The following DYNC1H1 variants were observed in gnomAD, a reference collection of about 807,000 sequenced individuals.
DYNC1H1 encodes cytoplasmic dynein 1 heavy chain 1.
A neutral mutation model predicts 527.1 loss-of-function variants in DYNC1H1; 51 were observed. The observed-to-expected ratio is 0.10, with a 90% CI of 0.08 to 0.12. The LOEUF (loss-of-function observed/expected upper bound fraction) is 0.12, where lower values mean the gene tolerates loss of function less well. Ranked by LOEUF, DYNC1H1 falls within the 10% of genes least tolerant of loss-of-function variation. The pLI is 1.00. For synonymous variants in DYNC1H1, 2,189 were observed against 2,278.8 expected (o/e 0.96, Z 1.12); for missense variants, 2,771 against 5,971.8 (o/e 0.46, Z 17.66).
intron 51 of DYNC1H1, among the ~76,000 whole-genome samples, chr14:102,031,285 G>A (rs949845801): frequency 6.6e-6 from 1 of 152,166 alleles, no homozygotes; most frequent in Non-Finnish European, 1.5e-5. Flanking sequence ...CCAGGCTGGA[G>A]TGTAGTGGTG....
In DYNC1H1 at chr14:101,983,013, A is replaced by G; in HGVS notation, c.962-6A>G. ...AAAACCATTAACTCTTTCTCTGTTAATATAGGTCTAAAACAGGCTTTGGAA... is the reference window on the plus strand; with the variant it reads ...AAAACCATTAACTCTTTCTCTGTTAGTATAGGTCTAAAACAGGCTTTGGAA... On this transcript the variant is annotated splice_region_variant and splice_polypyrimidine_tract_variant and intron_variant, in intron 5 of 77. Transcript: ENST00000360184. This position sits in a 1 kb window ranked among gnomAD's most constrained non-coding sequence, Gnocchi z 5.3. 2 of 1,614,132 alleles carry G rather than the reference A, an allele frequency of 1.2e-6. No homozygotes were observed.
chr14:102,021,904 G>A (rs561748872), intron 42 of DYNC1H1, among the ~76,000 whole-genome samples: 2 of 152,042 alleles, frequency 1.3e-5, no homozygotes, highest in Admixed American at 6.6e-5. Context: ...AAAGTGATCC[G>A]CCTGCCTCTG....
chr14:101,982,955 A>G, intron 5 of DYNC1H1, 64 bp from the exon 6 acceptor site: 1 of 1,582,442 alleles, frequency 6.3e-7, no homozygotes, highest in Non-Finnish European at 8.7e-7. Flanking sequence ...GTAATGGCAT[A>G]TTTTAGTTTA....
chr14:102,017,830 G>A lies in DYNC1H1; in HGVS notation c.8177+326G>A. ...AAATACAAAAACAAAATTAAGGCCG[G>A]GCGTGGTGGCTTACGCCTGTAATCC... On this transcript the variant is annotated intron_variant, in intron 40 of 77. Transcript: ENST00000360184. This position sits in a 1 kb window ranked among gnomAD's most constrained non-coding sequence, Gnocchi z 4.6. 2.7e-6 allele frequency: 1 copy of A among 376,478 alleles called. No individual in the cohort carries two copies. Among genetic ancestry groups the A allele is most frequent in the Non-Finnish European group, 5.1e-6 (1 of 197,414 alleles). 23.3% of individuals were successfully genotyped at this position (376,478 alleles called of 1,614,324 possible).
At chr14:102,043,087 G>A (rs2048672039) in intron 69 of DYNC1H1, 2 of 361,914 alleles carry the variant, frequency 5.5e-6, no homozygotes, top group African/African-American at 2.1e-5. Context: ...TTCAAGACCA[G>A]CATGGCCAAC....
Position 102,000,091 on chromosome 14 carries a change from G to A in DYNC1H1, c.3907G>A (p.Ala1303Thr), listed in dbSNP as rs762078700. The A allele has an allele frequency of 1.2e-6, 2 of 1,614,218 alleles. No individual in the cohort carries two copies. The highest frequency in any genetic ancestry group is 8.5e-7 in the Non-Finnish European group (1 of 1,180,046). ...DREKCAKAKE[A>T]LELTDTGLLS... ...AGAGAAGTGTGCAAAGGCCAAGGAG[G>A]CGCTGGAATTGACAGATACTGGGCT... Residue 1303 changes from alanine (A) to threonine (T), a missense_variant, in exon 17 of 78, where the codon GCG becomes ACG. Coordinates refer to ENST00000360184, the MANE Select transcript of DYNC1H1 (RefSeq NM_001376.5).
Position 101,965,355 on chromosome 14 carries a change from C to T in DYNC1H1, c.256+408C>T, listed in dbSNP as rs1205930931. On this transcript the variant is annotated intron_variant, in intron 1 of 77. Coordinates refer to ENST00000360184, the MANE Select transcript of DYNC1H1 (RefSeq NM_001376.5). This position sits in a 1 kb window ranked among gnomAD's most constrained non-coding sequence, Gnocchi z 4.1. The stretch of plus-strand genomic sequence containing the variant: ...GCTGAGAGCGGGCGAGGCCGCATCC[C>T]TGCCTCCAGTGTCACATGAGCTTTT... Among the ~76,000 whole-genome samples the T allele has an allele frequency of 1.3e-5, 2 of 152,232 alleles. No individual in the cohort carries two copies. The highest frequency in any genetic ancestry group is 4.8e-5 in the African/African-American group (2 of 41,460).
At chr14:101,988,081 A>G (rs2047956425) in intron 9 of DYNC1H1, among the ~76,000 whole-genome samples, 2 of 152,200 alleles carry the variant, frequency 1.3e-5, no homozygotes, top group Admixed American at 1.3e-4. Context: ...ACACACACAC[A>G]AAAAGAACCA....
intron 16 of DYNC1H1, among the ~76,000 whole-genome samples, chr14:101,998,012 G>A (rs536984302): frequency 6.6e-6 from 1 of 152,300 alleles, no homozygotes; most frequent in African/African-American, 2.4e-5. Context: ...TGATAGCAGA[G>A]GTGATGTAGA....
intron 9 of DYNC1H1, 37 bp downstream of exon 9, chr14:101,987,669 T>A (rs1314183715): frequency 1.2e-6 from 2 of 1,611,160 alleles, no homozygotes; most frequent in Admixed American, 3.3e-5. Flanking sequence ...TCCTCCTTTT[T>A]CTTCTGCTGA....
At chr14:102,032,580 A>AGT in intron 52 of DYNC1H1, 113 bp downstream of exon 52, 1 of 1,359,286 alleles carries the variant, frequency 7.4e-7, no homozygotes, top group Non-Finnish European at 1.0e-6. Flanking sequence ...GGCCAGGCAC[A>AGT]GTGGCTCACG....
chr14:102,026,974 A>G lies in DYNC1H1; in HGVS notation c.8772-200A>G. 6.3e-6 allele frequency: 5 copies of G among 787,510 alleles called. No homozygotes were observed. The South Asian group carries it at 7.8e-5, about 12-fold the overall frequency. 48.8% of individuals were successfully genotyped at this position (787,510 alleles called of 1,614,324 possible). A position where few individuals can be genotyped will look rare whatever the true frequency, so the allele number is the denominator to read the frequency against. ...TCTGCTGGAATTGCATTAGTCTCTC[A>G]TGTCAGTCTAGAGGACAGGACCGTG... is the stretch of plus-strand genomic sequence containing the variant. On this transcript the variant is annotated intron_variant, in intron 44 of 77. Transcript: ENST00000360184.
At chr14:101,968,309 G>A (rs528714755) in intron 1 of DYNC1H1, among the ~76,000 whole-genome samples, 1 of 141,994 alleles carries the variant, frequency 7.0e-6, no homozygotes, top group East Asian at 2.1e-4. Flanking sequence ...TGTTTTGTTT[G>A]AGACAGGGTC....
In DYNC1H1 at chr14:101,986,064, A is replaced by G. The variant is rs766677909; in HGVS notation, c.1839A>G (p.Lys613=). ...EYQTQLIQRV[K]DDIESLHDKF... Reference sequence around the variant, plus strand: ...AGACCCAGCTGATCCAGCGCGTGAAAGATGACATTGAGTCTCTTCACGACA... The same window carrying G: ...AGACCCAGCTGATCCAGCGCGTGAAGGATGACATTGAGTCTCTTCACGACA... The change falls in exon 8 of 78, where the codon AAA becomes AAG. Residue 613 remains lysine (K), a synonymous_variant. Coordinates refer to ENST00000360184, the MANE Select transcript of DYNC1H1 (RefSeq NM_001376.5). This position sits in a 1 kb window ranked among gnomAD's most constrained non-coding sequence, Gnocchi z 8.7. The G allele has an allele frequency of 1.2e-6, 2 of 1,614,258 alleles. No individual in the cohort carries two copies. The highest frequency in any genetic ancestry group is 1.7e-5 in the Admixed American group (1 of 60,034).
chr14:102,022,758 G>A lies in DYNC1H1; in HGVS notation c.8515G>A (p.Glu2839Lys). The A allele has an allele frequency of 2.5e-6, 4 of 1,614,160 alleles. No homozygotes were observed. The highest frequency in any genetic ancestry group is 1.6e-4 in the Middle Eastern group (1 of 6,062). Residue 2839 changes from glutamate (E) to lysine (K), a missense_variant, in exon 43 of 78, where the codon GAG becomes AAG. Around this residue, in one of 32 missense-constraint regions of DYNC1H1, gnomAD observed 163 missense variants for 346.9 expected, o/e 0.47. Transcript: ENST00000360184. ...ATGCTGCTCTCCCCACAGACTCGTA[G>A]AGGATGAGGAGAGGCGTTGGACTGA... is the stretch of plus-strand genomic sequence containing the variant. The part of the protein sequence containing the change: ...ALRLFQDRLV[E>K]DEERRWTDEN...
intron 73 of DYNC1H1, 114 bp downstream of exon 73, chr14:102,048,142 C>A (rs553146640): frequency 3.0e-6 from 4 of 1,317,446 alleles, no homozygotes; most frequent in Non-Finnish European, 4.2e-6. Flanking sequence ...AACGTACTCA[C>A]ACCGGTGTCA....
chr14:102,043,594 T>A, intron 69 of DYNC1H1: 1 of 476,846 alleles, frequency 2.1e-6, no homozygotes, highest in Non-Finnish European at 3.9e-6. Flanking sequence ...GTCAATTCTG[T>A]TCTATTTTGT....
Position 102,044,882 on chromosome 14 carries a change from C to A in DYNC1H1, c.13006+184C>A. ...TGCCAGTCTCCAGCTGCTCCTAGCT[C>A]CACTCCGAGGGGAGGCAGAGGAAAG... On this transcript the variant is annotated intron_variant, in intron 72 of 77. Transcript: ENST00000360184. This position sits in a 1 kb window ranked among gnomAD's most constrained non-coding sequence, Gnocchi z 7.1. The A allele has an allele frequency of 1.5e-6, 1 of 670,086 alleles. No homozygotes were observed. The highest frequency in any genetic ancestry group is 2.6e-6 in the Non-Finnish European group (1 of 387,238). 41.5% of individuals were successfully genotyped at this position (670,086 alleles called of 1,614,324 possible).
At position 102,032,441 on chromosome 14, in the gene DYNC1H1, C is replaced by T. The variant is rs2048519561; in HGVS notation, c.10053C>T (p.Ile3351=). The part of the protein sequence containing the change: ...IIMRENFIPT[I]VNFSAEEISD... ...TGCGGGAGAACTTCATCCCCACCAT[C>T]GTCAACTTCTCTGCAGAGGAGATCA... Residue 3351 remains isoleucine, a synonymous_variant, in exon 52 of 78, where the codon ATC becomes ATT. Coordinates refer to ENST00000360184, the MANE Select transcript of DYNC1H1 (RefSeq NM_001376.5). 2 of 1,614,058 alleles carry T rather than the reference C, an allele frequency of 1.2e-6. No individual in the cohort carries two copies. The highest frequency in any genetic ancestry group is 8.5e-7 in the Non-Finnish European group (1 of 1,180,052).
Sources: gnomAD v4.1 joint callset for allele counts (sites outside exome capture counted in the v4.1 genomes callset) on GRCh38, gnomAD v4.1.1 for gene constraint, gnomAD v4.1.1 regional missense constraint, Gnocchi (gnomAD v3.1) non-coding constraint, MANE v1.5 for transcripts, NCBI Gene and HGNC (gene_info 2026-07-23, HGNC 2026-07-21) for gene names.